ACO1: variants seen among roughly 807,000 people sequenced by gnomAD.
ACO1 encodes cytoplasmic aconitate hydratase.
ACO1 carries 78 observed loss-of-function variants against 105.1 expected under a neutral mutation model. The ratio of observed to expected loss-of-function variants is 0.74; its 90% CI spans 0.62 to 0.90. The LOEUF (loss-of-function observed/expected upper bound fraction) is 0.90, where lower values mean the gene tolerates loss of function less well. Ranked by LOEUF, ACO1 falls within the 40% of genes least tolerant of loss-of-function variation. The pLI, the probability that ACO1 is intolerant of heterozygous loss-of-function variation, is 0.00. For synonymous variants in ACO1, 364 were observed against 397.4 expected (o/e 0.92, Z 1.00); for missense variants, 965 against 1,111.1 (o/e 0.87, Z 1.87).
At chr9:32,386,204 G>A (rs1272705534) in intron 1 of ACO1, among the ~76,000 whole-genome samples, 1 of 152,218 alleles carries the variant, frequency 6.6e-6, no homozygotes, top group African/African-American at 2.4e-5. Context: ...AGGGGTTCCT[G>A]TGAGAGTTAC....
intron 18 of ACO1, among the ~76,000 whole-genome samples, chr9:32,437,128 G>T (rs1424928430): frequency 6.6e-6 from 1 of 152,014 alleles, no homozygotes; most frequent in Non-Finnish European, 1.5e-5. Flanking sequence ...AATAATAATC[G>T]CTAATATGTC....
Position 32,450,725 on chromosome 9 carries a change from T to TGAA in ACO1, c.*616_*618dup, listed in dbSNP as rs1822747140. On this transcript the variant is annotated 3_prime_UTR_variant, in exon 21 of 21. Coordinates refer to ENST00000309951, the MANE Select transcript of ACO1 (RefSeq NM_002197.3). ...TGATAGATCCACATAAAAAGAAATG[T>TGAA]GAAGTTTTCTTTTACTATCTTTTCA... 6.6e-6 allele frequency: 1 copy of TGAA among 152,008 alleles called. No individual in the cohort carries two copies. Among genetic ancestry groups the TGAA allele is most frequent in the Non-Finnish European group, 1.5e-5 (1 of 68,040 alleles). The allele number at this position is 152,008 out of a possible 1,614,324, so 9.4% of individuals were successfully genotyped here. A position where few individuals can be genotyped will look rare whatever the true frequency, so the allele number is the denominator to read the frequency against.
chr9:32,388,220 G>A (rs1196836488), intron 1 of ACO1, among the ~76,000 whole-genome samples: 1 of 152,120 alleles, frequency 6.6e-6, no homozygotes, highest in Non-Finnish European at 1.5e-5. Flanking sequence ...TGATTCCAGG[G>A]GCAGAGACAA....
chr9:32,390,089 C>T (rs1350238041), intron 1 of ACO1, among the ~76,000 whole-genome samples: 3 of 152,236 alleles, frequency 2.0e-5, no homozygotes, highest in Non-Finnish European at 4.4e-5. Context: ...TGAGCCACTG[C>T]GCCTGGCTCT....
chr9:32,431,558 AC>A (rs1341478233), intron 14 of ACO1, among the ~76,000 whole-genome samples, 160 bp from the exon 15 acceptor site: 1 of 152,198 alleles, frequency 6.6e-6, no homozygotes, highest in East Asian at 1.9e-4. Flanking sequence ...CAGGAACCTA[AC>A]CCTGTATTTC....
rs1258779537 is a variant in ACO1 at position 32,427,380 on chromosome 9, C to T, written c.1428C>T (p.Gly476=). The change falls in exon 12 of 21, where the codon GGC becomes GGT. Residue 476 remains glycine (G), a synonymous_variant. Coordinates refer to ENST00000309951, the MANE Select transcript of ACO1 (RefSeq NM_002197.3). ...YIKTSLSPGS[G]VVTYYLQESG... ...AAACTAGCCTGTCTCCTGGGAGTGG[C>T]GTGGTCACCTACTACCTACAAGAAA... 6.2e-6 allele frequency: 10 copies of T among 1,614,194 alleles called. No individual in the cohort carries two copies. The highest frequency in any genetic ancestry group is 5.0e-5 in the Admixed American group (3 of 60,028).
At chr9:32,421,994 T>A (rs1438400346) in intron 8 of ACO1, among the ~76,000 whole-genome samples, 2 of 152,216 alleles carry the variant, frequency 1.3e-5, no homozygotes, top group Non-Finnish European at 2.9e-5. Context: ...GAAGTTTTTA[T>A]TAAATATAAA....
chr9:32,412,306 G>T (rs1401700975), intron 4 of ACO1, among the ~76,000 whole-genome samples: 1 of 152,184 alleles, frequency 6.6e-6, no homozygotes, highest in Non-Finnish European at 1.5e-5. Context: ...GGAAAATGAT[G>T]CAGGAATTAA....
intron 20 of ACO1, 114 bp from the exon 21 acceptor site, chr9:32,449,884 G>T: frequency 2.7e-6 from 2 of 738,764 alleles, no homozygotes; most frequent in Non-Finnish European, 4.8e-6. Context: ...CTCATGTGCT[G>T]CTGGTGTTAC....
At chr9:32,408,943 G>A (rs929032165) in intron 4 of ACO1, among the ~76,000 whole-genome samples, 1 of 152,150 alleles carries the variant, frequency 6.6e-6, no homozygotes, top group African/African-American at 2.4e-5. Context: ...TGCCATGAGA[G>A]CTTGTCAACA....
At chr9:32,389,219 A>G (rs1013178272) in intron 1 of ACO1, among the ~76,000 whole-genome samples, 1 of 152,218 alleles carries the variant, frequency 6.6e-6, no homozygotes, top group African/African-American at 2.4e-5. Flanking sequence ...ATGTGCATAT[A>G]TGTACGAGTG....
chr9:32,393,681 C>G (rs527982108), intron 1 of ACO1, among the ~76,000 whole-genome samples: 2 of 152,070 alleles, frequency 1.3e-5, no homozygotes, highest in Non-Finnish European at 2.9e-5. Flanking sequence ...CAGAACCTGC[C>G]GACATGTGAT....
At chr9:32,388,275 C>G (rs908726507) in intron 1 of ACO1, among the ~76,000 whole-genome samples, 5 of 152,190 alleles carry the variant, frequency 3.3e-5, no homozygotes, top group Admixed American at 2.6e-4. Flanking sequence ...CCGTGGCTTA[C>G]GCCTGTAATC....
chr9:32,396,765 ACTCTGT>A (rs950768030), intron 1 of ACO1, among the ~76,000 whole-genome samples: 16 of 152,054 alleles, frequency 1.1e-4, no homozygotes, highest in African/African-American at 3.9e-4. Flanking sequence ...GAGGGCAGGG[ACTCTGT>A]CTCTGTTGTT....
At chr9:32,393,319 C>T (rs1332080145) in intron 1 of ACO1, among the ~76,000 whole-genome samples, 4 of 152,122 alleles carry the variant, frequency 2.6e-5, no homozygotes, top group Admixed American at 1.3e-4. Context: ...CTGTCTTTTA[C>T]GGTCACTGCT....
rs1360102973 is a variant in ACO1, at chr9:32,452,987, AGT to A, written c.*2877_*2878del. On this transcript the variant is annotated 3_prime_UTR_variant, in exon 21 of 21. Coordinates refer to ENST00000309951, the MANE Select transcript of ACO1 (RefSeq NM_002197.3). ...CACCCCCCCCCCCCCCAAAAAAAAA[AGT>A]ATCTTGGCCAGTGTCTCAACCTTGC... The A allele has an allele frequency of 1.5e-5, 2 of 134,808 alleles. No homozygotes were observed. The highest frequency in any genetic ancestry group is 5.4e-5 in the African/African-American group (2 of 37,358). 8.4% of individuals were successfully genotyped at this position (134,808 alleles called of 1,614,324 possible).
At chr9:32,426,137 C>A in intron 11 of ACO1, 140 bp downstream of exon 11, 1 of 812,296 alleles carries the variant, frequency 1.2e-6, no homozygotes, top group Non-Finnish European at 1.9e-6. Context: ...TTTATTGGCC[C>A]ATAAATATCT....
At chr9:32,388,953 C>G (rs563380397) in intron 1 of ACO1, among the ~76,000 whole-genome samples, 1 of 152,292 alleles carries the variant, frequency 6.6e-6, no homozygotes, top group South Asian at 2.1e-4. Context: ...TTTGTCATAT[C>G]ACAGCTCTGA....
chr9:32,400,172 C>T (rs1182271997), intron 1 of ACO1, among the ~76,000 whole-genome samples: 2 of 151,818 alleles, frequency 1.3e-5, no homozygotes, highest in African/African-American at 4.8e-5. Flanking sequence ...GGTTTCACCA[C>T]CTTGGCCAGG....
Sources: gnomAD v4.1 joint callset for allele counts (sites outside exome capture counted in the v4.1 genomes callset) on GRCh38, gnomAD v4.1.1 for gene constraint, MANE v1.5 for transcripts, NCBI Gene and HGNC (gene_info 2026-07-23, HGNC 2026-07-21) for gene names.